DNM3: variants seen among roughly 807,000 people sequenced by gnomAD.
DNM3 encodes the protein dynamin-3.
DNM3 carries 47 observed loss-of-function variants against 101.6 expected under a neutral mutation model. That is an observed-to-expected ratio of 0.46 (90% CI 0.37 to 0.59). The LOEUF (loss-of-function observed/expected upper bound fraction) is 0.59, where lower values mean the gene tolerates loss of function less well. Ranked by LOEUF, DNM3 falls within the 20% of genes least tolerant of loss-of-function variation. The probability of loss-of-function intolerance (pLI) is 0.00; values close to 1 mark genes in which losing one functional copy is unlikely to be tolerated. For synonymous variants in DNM3, 385 were observed against 387.9 expected, an observed-to-expected ratio of 0.99 and a Z score of 0.09; for missense variants, 849 against 1,085.7, an observed-to-expected ratio of 0.78 and a Z score of 3.06.
At chr1:172,084,022 C>G (rs2053350681) in intron 12 of DNM3, among the ~76,000 whole-genome samples, 1 of 152,130 alleles carries the variant, frequency 6.6e-6, no homozygotes, top group Non-Finnish European at 1.5e-5. Context: ...ACACATTTCT[C>G]ATCTAATTTA....
At chr1:172,356,493 A>C (rs2067458046) in intron 17 of DNM3, among the ~76,000 whole-genome samples, 1 of 152,108 alleles carries the variant, frequency 6.6e-6, no homozygotes, top group South Asian at 2.1e-4. Flanking sequence ...TGCTAAACAT[A>C]CTGAAAATTT....
At chr1:172,028,450 C>A (rs1308431152) in intron 4 of DNM3, among the ~76,000 whole-genome samples, 1 of 152,096 alleles carries the variant, frequency 6.6e-6, no homozygotes, top group African/African-American at 2.4e-5. Flanking sequence ...CACTAAATGC[C>A]CACAGGAGAA....
At position 172,412,463 on chromosome 1, in the gene DNM3, T is replaced by G. The variant is rs1230120138; in HGVS notation, c.*4622T>G. ...CCTTTTTTGGGTCAAATTTTTCTTT[T>G]GCTTTGTTTGAAGAAGGAATATACA... On this transcript the variant is annotated 3_prime_UTR_variant, in exon 21 of 21. Transcript: ENST00000627582. The G allele has an allele frequency of 1.0e-6, 1 of 985,756 alleles. No individual in the cohort carries two copies. Among genetic ancestry groups the G allele is most frequent in the Non-Finnish European group, 1.2e-6 (1 of 829,938 alleles). The allele number at this position is 985,756 out of a possible 1,614,324, so 61.1% of individuals were successfully genotyped here.
At chr1:171,984,500 C>T (rs561940840) in intron 2 of DNM3, among the ~76,000 whole-genome samples, 1 of 152,316 alleles carries the variant, frequency 6.6e-6, no homozygotes, top group African/African-American at 2.4e-5. Flanking sequence ...CCCTTCCATA[C>T]AGCATGGCCT....
At chr1:172,053,935 G>A (rs1024868913) in intron 10 of DNM3, among the ~76,000 whole-genome samples, 2 of 152,116 alleles carry the variant, frequency 1.3e-5, no homozygotes, top group African/African-American at 4.8e-5. Context: ...CATAGATAAG[G>A]TGACTATATA....
intron 1 of DNM3, among the ~76,000 whole-genome samples, chr1:171,882,822 C>G (rs968957968): frequency 6.6e-6 from 1 of 151,868 alleles, no homozygotes; most frequent in Non-Finnish European, 1.5e-5. Flanking sequence ...TGACTTTATA[C>G]TTTAATTTGA....
intron 13 of DNM3, among the ~76,000 whole-genome samples, chr1:172,130,808 G>C (rs946039867): frequency 1.3e-5 from 2 of 152,160 alleles, no homozygotes; most frequent in Non-Finnish European, 2.9e-5. Context: ...GGAAGGGACA[G>C]TGGATATGGA....
intron 14 of DNM3, chr1:172,133,206 G>A: frequency 8.1e-7 from 1 of 1,240,828 alleles, no homozygotes; most frequent in Non-Finnish European, 1.0e-6. Flanking sequence ...TAAGCCCATT[G>A]GAAGGTATAG....
intron 13 of DNM3, among the ~76,000 whole-genome samples, chr1:172,120,162 A>G (rs2056216475): frequency 6.6e-6 from 1 of 152,210 alleles, no homozygotes; most frequent in South Asian, 2.1e-4. Context: ...AAGAGGTTTA[A>G]TGGACTCATG....
intron 17 of DNM3, among the ~76,000 whole-genome samples, chr1:172,330,501 T>G (rs1395651024): frequency 6.6e-6 from 1 of 152,116 alleles, no homozygotes; most frequent in African/African-American, 2.4e-5. Flanking sequence ...AATACCCATG[T>G]AACAAACCTG....
chr1:172,083,781 A>G (rs1405595784), intron 12 of DNM3, among the ~76,000 whole-genome samples: 2 of 152,000 alleles, frequency 1.3e-5, no homozygotes, highest in African/African-American at 2.4e-5. Context: ...CTGTTGGACT[A>G]TGGTTTTATA....
intron 1 of DNM3, among the ~76,000 whole-genome samples, chr1:171,848,646 G>A (rs2032523150): frequency 6.6e-6 from 1 of 152,152 alleles, no homozygotes; most frequent in African/African-American, 2.4e-5. Flanking sequence ...AAATAAAGAT[G>A]TATTTGTGTA....
intron 14 of DNM3, among the ~76,000 whole-genome samples, chr1:172,152,515 G>T (rs188290541): frequency 6.6e-6 from 1 of 152,146 alleles, no homozygotes; most frequent in Admixed American, 6.5e-5. Context: ...ATACGGGTTA[G>T]GTTGGATCTG....
At chr1:172,038,675 C>T (rs1177174447) in intron 7 of DNM3, among the ~76,000 whole-genome samples, 4 of 152,154 alleles carry the variant, frequency 2.6e-5, no homozygotes, top group Non-Finnish European at 1.5e-5. Context: ...TGAGCATCCT[C>T]ATGCCCATTT....
chr1:172,114,898 T>C (rs969319106), intron 13 of DNM3, among the ~76,000 whole-genome samples: 1 of 152,206 alleles, frequency 6.6e-6, no homozygotes, highest in Non-Finnish European at 1.5e-5. Flanking sequence ...AAATTTTATC[T>C]TTTATAATCT....
At chr1:172,334,293 C>T (rs545005010) in intron 17 of DNM3, among the ~76,000 whole-genome samples, 1 of 152,122 alleles carries the variant, frequency 6.6e-6, no homozygotes, top group South Asian at 2.1e-4. Context: ...CCACATAGAC[C>T]AGTGATTCTC....
At chr1:171,865,423 G>A (rs2034623514) in intron 1 of DNM3, among the ~76,000 whole-genome samples, 1 of 150,534 alleles carries the variant, frequency 6.6e-6, no homozygotes, top group South Asian at 2.1e-4. Flanking sequence ...GGCTGAGACT[G>A]GAGGATCTCT....
intron 14 of DNM3, among the ~76,000 whole-genome samples, chr1:172,203,717 G>T (rs1183553894): frequency 2.0e-5 from 3 of 152,102 alleles, no homozygotes; most frequent in Admixed American, 6.6e-5. Context: ...ATAATGTTTA[G>T]CCTTGTTTTC....
chr1:172,202,738 A>G (rs1485808640), intron 14 of DNM3, among the ~76,000 whole-genome samples: 2 of 152,156 alleles, frequency 1.3e-5, no homozygotes, highest in Admixed American at 1.3e-4. Context: ...ACATAAGACT[A>G]TTATTTATAT....
Sources: allele counts gnomAD v4.1 joint callset (sites outside exome capture counted in the v4.1 genomes callset), GRCh38; gene constraint gnomAD v4.1.1; transcripts MANE v1.5; gene names NCBI Gene and HGNC (gene_info 2026-07-23, HGNC 2026-07-21).